ZEB1: variants seen among roughly 807,000 people sequenced by gnomAD.
ZEB1 encodes the protein zinc finger E-box-binding homeobox 1.
A neutral mutation model predicts 84.9 loss-of-function variants in ZEB1; 21 were observed. That is an observed-to-expected ratio of 0.25 (90% CI 0.18 to 0.36). The LOEUF (loss-of-function observed/expected upper bound fraction) is 0.36. Among genes scored for constraint, ZEB1 ranks in the 10% least tolerant of loss-of-function variants. The pLI, the probability that ZEB1 is intolerant of heterozygous loss-of-function variation, is 1.00. For missense variants in ZEB1, 1,104 were observed against 1,330.2 expected, an observed-to-expected ratio of 0.83 and a Z score of 2.65; for synonymous variants, 420 against 471.1, an observed-to-expected ratio of 0.89 and a Z score of 1.41.
At chr10:31,389,945 T>C (rs896856071) in intron 1 of ZEB1, among the ~76,000 whole-genome samples, 2 of 152,092 alleles carry the variant, frequency 1.3e-5, no homozygotes, top group African/African-American at 2.4e-5. Flanking sequence ...AGGTACCATA[T>C]TCCACAGTTC....
Position 31,521,764 on chromosome 10 carries a change from A to G in ZEB1, c.2432A>G (p.Gln811Arg), listed in dbSNP as rs199944415. The change falls in exon 7 of 9, where the codon CAG becomes CGG. Residue 811 changes from glutamine to arginine, a missense_variant. Around this residue, in one of 7 missense-constraint regions of ZEB1, gnomAD observed 531 missense variants for 575.2 expected, o/e 0.92. Transcript: ENST00000424869. ...ATCGCTATACCTACAGTCACTGCCC[A>G]GTTACCCACAATCGTGGCCATTGCT... Reference protein sequence around the residue: ...INIAIPTVTAQLPTIVAIADQ... With the variant: ...INIAIPTVTARLPTIVAIADQ... 50 of 1,614,088 alleles carry G rather than the reference A, an allele frequency of 3.1e-5. No homozygotes were observed. In the South Asian group the frequency reaches 5.2e-4, roughly 17 times the overall value.
At chr10:31,362,186 C>T (rs1357445608) in intron 1 of ZEB1, among the ~76,000 whole-genome samples, 1 of 151,150 alleles carries the variant, frequency 6.6e-6, no homozygotes, top group East Asian at 2.0e-4. Context: ...GCGCTTCTCA[C>T]TTCCCATACT....
intron 1 of ZEB1, among the ~76,000 whole-genome samples, chr10:31,364,634 C>T (rs1301388022): frequency 6.6e-6 from 1 of 152,224 alleles, no homozygotes; most frequent in Non-Finnish European, 1.5e-5. Context: ...GTGCCCTGAC[C>T]TGACTGGATG....
intron 3 of ZEB1, among the ~76,000 whole-genome samples, chr10:31,499,601 T>G (rs1481932628): frequency 6.6e-6 from 1 of 151,942 alleles, no homozygotes; most frequent in Non-Finnish European, 1.5e-5. Context: ...GAAGGATATA[T>G]TTAAAATACA....
intron 6 of ZEB1, among the ~76,000 whole-genome samples, chr10:31,519,065 T>C (rs937572714): frequency 6.6e-6 from 1 of 152,164 alleles, no homozygotes; most frequent in Non-Finnish European, 1.5e-5. Flanking sequence ...TCATCACATC[T>C]CATCATTCAA....
rs74233111 is a variant in ZEB1 at position 31,492,298 on chromosome 10, T to C, written c.260-3478T>C. On this transcript the variant is annotated intron_variant, in intron 2 of 8. Coordinates refer to ENST00000424869, the MANE Select transcript of ZEB1 (RefSeq NM_001174096.2). Reference sequence around the variant, plus strand: ...ATGTAATCGTTTCTCATTTTCAATATAGTGTTCAATAAATTATATGAGATT... The same window carrying C: ...ATGTAATCGTTTCTCATTTTCAATACAGTGTTCAATAAATTATATGAGATT... Among the ~76,000 whole-genome samples, 85 of 152,008 alleles carry C rather than the reference T, an allele frequency of 5.6e-4. No homozygotes were observed. The East Asian group carries it at 0.016, about 28-fold the overall frequency.
At chr10:31,423,602 A>C (rs1478220758) in intron 1 of ZEB1, among the ~76,000 whole-genome samples, 1 of 152,136 alleles carries the variant, frequency 6.6e-6, no homozygotes, top group Admixed American at 6.6e-5. Flanking sequence ...GTGTTTAAGC[A>C]ATTAGTCAAA....
chr10:31,465,821 G>T (rs1453406127), intron 2 of ZEB1, among the ~76,000 whole-genome samples: 1 of 151,576 alleles, frequency 6.6e-6, no homozygotes, highest in Non-Finnish European at 1.5e-5. Flanking sequence ...ATGGGGTCTT[G>T]CTATGTTGCT....
At chr10:31,467,928 T>C (rs1055813871) in intron 2 of ZEB1, among the ~76,000 whole-genome samples, 2 of 152,082 alleles carry the variant, frequency 1.3e-5, no homozygotes, top group South Asian at 2.1e-4. Context: ...GGGATTTGCA[T>C]AACTAATTGG....
chr10:31,346,702 C>T (rs1046613131), intron 1 of ZEB1, among the ~76,000 whole-genome samples: 1 of 151,746 alleles, frequency 6.6e-6, no homozygotes, highest in Non-Finnish European at 1.5e-5. Context: ...GGAAAAATAC[C>T]ACCGTTTTTT....
chr10:31,330,221 A>G lies in ZEB1; in HGVS notation c.58+10929A>G, dbSNP rs116546652. Reference sequence around the variant, plus strand: ...TGGTCTTAACTCACCAGAATTTGGCATAAGAATTTTTATTTGAAATTTTTA... The same window carrying G: ...TGGTCTTAACTCACCAGAATTTGGCGTAAGAATTTTTATTTGAAATTTTTA... On this transcript the variant is annotated intron_variant, in intron 1 of 8. Transcript: ENST00000424869. Among the ~76,000 whole-genome samples the G allele has an allele frequency of 9.4e-3, 1,431 of 152,286 alleles. 24 individuals carry two copies. The highest frequency in any genetic ancestry group is 0.033 in the African/African-American group (1,369 of 41,564).
chr10:31,379,245 G>A (rs948658186), intron 1 of ZEB1, among the ~76,000 whole-genome samples: 3 of 152,072 alleles, frequency 2.0e-5, no homozygotes, highest in African/African-American at 7.2e-5. Context: ...TTGAGAAATG[G>A]AGGTAGGAAG....
Position 31,523,200 on chromosome 10 carries a change from A to G in ZEB1, c.2605-733A>G, listed in dbSNP as rs570178596. Among the ~76,000 whole-genome samples the G allele has an allele frequency of 5.3e-5, 8 of 152,312 alleles. 1 individual carries two copies. In the East Asian group the frequency reaches 1.5e-3, roughly 29 times the overall value. On this transcript the variant is annotated intron_variant, in intron 7 of 8. Transcript: ENST00000424869. Reference sequence around the variant, plus strand: ...AGATAAGGTAGGAAGATCTTAGGGGACCCAGTTCCACAACAGGCTCCCTGC... The same window carrying G: ...AGATAAGGTAGGAAGATCTTAGGGGGCCCAGTTCCACAACAGGCTCCCTGC...
chr10:31,360,875 G>A (rs924473637), intron 1 of ZEB1: 59 of 1,147,888 alleles, frequency 5.1e-5, no homozygotes, highest in Non-Finnish European at 6.2e-5. Flanking sequence ...CAGTAGTGGC[G>A]TTACAGTGAG....
At chr10:31,367,808 A>G (rs955057285) in intron 1 of ZEB1, among the ~76,000 whole-genome samples, 1 of 152,210 alleles carries the variant, frequency 6.6e-6, no homozygotes, top group African/African-American at 2.4e-5. Context: ...CTAAATATAG[A>G]TACTTGCTCT....
chr10:31,511,763 C>T (rs2070080103), intron 5 of ZEB1, among the ~76,000 whole-genome samples: 2 of 152,128 alleles, frequency 1.3e-5, no homozygotes, highest in African/African-American at 4.8e-5. Flanking sequence ...ATATGTGTCA[C>T]ATATCCCATA....
At chr10:31,318,604 T>A (rs1466913564), upstream of ZEB1, 1 of 153,106 alleles carries the variant, frequency 6.5e-6, no homozygotes, top group African/African-American at 2.4e-5. Flanking sequence ...GGTCGCCGCG[T>A]GTCCTCGCCG....
intron 1 of ZEB1, among the ~76,000 whole-genome samples, chr10:31,356,893 A>G (rs1038854461): frequency 6.6e-6 from 1 of 152,140 alleles, no homozygotes. Context: ...CCAATATTTC[A>G]GTTTTTCCAA....
At chr10:31,476,735 A>T (rs1302037809) in intron 2 of ZEB1, among the ~76,000 whole-genome samples, 2 of 152,094 alleles carry the variant, frequency 1.3e-5, no homozygotes, top group East Asian at 3.9e-4. Flanking sequence ...TATTTCAGGG[A>T]TGCAAAGATG....
Sources: allele counts gnomAD v4.1 joint callset (sites outside exome capture counted in the v4.1 genomes callset), GRCh38; gene constraint gnomAD v4.1.1; regional missense constraint gnomAD v4.1.1; transcripts MANE v1.5; gene names NCBI Gene and HGNC (gene_info 2026-07-23, HGNC 2026-07-21).